The following DTNBP1 variants were observed in gnomAD, a reference collection of about 807,000 sequenced individuals.
DTNBP1 encodes dystrobrevin binding protein 1.
A neutral mutation model predicts 42.8 loss-of-function variants in DTNBP1; 35 were observed. The ratio of observed to expected loss-of-function variants is 0.82; its 90% CI spans 0.63 to 1.09. The LOEUF is 1.09. DTNBP1 is among the 50% of genes least tolerant of loss of function. The probability of loss-of-function intolerance (pLI) is 0.00; values close to 1 mark genes in which losing one functional copy is unlikely to be tolerated. For missense variants in DTNBP1, 457 were observed against 424.2 expected (o/e 1.08, Z -0.68); for synonymous variants, 171 against 162.2 (o/e 1.05, Z -0.41).
At chr6:15,585,773 C>G (rs537942836) in intron 7 of DTNBP1, 2 of 1,533,736 alleles carry the variant, frequency 1.3e-6, no homozygotes, top group Admixed American at 2.0e-5. Flanking sequence ...GATGTGAGAC[C>G]TGAAGGAGTG....
At chr6:15,545,713 A>C (rs1414768861) in intron 7 of DTNBP1, among the ~76,000 whole-genome samples, 2 of 152,230 alleles carry the variant, frequency 1.3e-5, no homozygotes, top group Non-Finnish European at 2.9e-5. Context: ...CTGTTTCCTA[A>C]AACCATGCTG....
intron 6 of DTNBP1, among the ~76,000 whole-genome samples, chr6:15,604,222 G>C (rs1776841915): frequency 6.6e-6 from 1 of 152,164 alleles, no homozygotes; most frequent in African/African-American, 2.4e-5. Context: ...TTGTTTCGGG[G>C]GAGAGAATAA....
intron 7 of DTNBP1, among the ~76,000 whole-genome samples, chr6:15,558,092 G>T (rs1774628395): frequency 6.6e-6 from 1 of 151,374 alleles, no homozygotes; most frequent in South Asian, 2.1e-4. Context: ...ATATGACTTA[G>T]TGTACGTTAT....
At position 15,522,864 on chromosome 6, in the gene DTNBP1, C is replaced by T; in HGVS notation, c.*111G>A. ...CTTTAAGTTTCTCACACATTATTGG[C>T]AATTATGTAAAAATCAAGAACCTCT... On this transcript the variant is annotated 3_prime_UTR_variant, in exon 10 of 10. Transcript: ENST00000344537. 1 of 1,572,222 alleles carries T rather than the reference C, an allele frequency of 6.4e-7. No individual in the cohort carries two copies. Among genetic ancestry groups the T allele is most frequent in the Non-Finnish European group, 8.7e-7 (1 of 1,147,498 alleles).
chr6:15,659,551 CTTTCTTT>C (rs1761477398), intron 1 of DTNBP1, among the ~76,000 whole-genome samples: 1 of 104,688 alleles, frequency 9.6e-6, no homozygotes. Flanking sequence ...GATGGGGTTT[CTTTCTTT>C]TTTTTTTTTT....
intron 6 of DTNBP1, among the ~76,000 whole-genome samples, chr6:15,597,648 C>T (rs1164186711): frequency 6.6e-6 from 1 of 152,126 alleles, no homozygotes; most frequent in African/African-American, 2.4e-5. Flanking sequence ...CATGTGCTGC[C>T]TTGTAATGTG....
chr6:15,534,704 T>C (rs939724106), intron 7 of DTNBP1, among the ~76,000 whole-genome samples: 28 of 150,752 alleles, frequency 1.9e-4, no homozygotes, highest in Non-Finnish European at 3.5e-4. Flanking sequence ...AAAGTAAGTA[T>C]GTAGCCATCA....
At chr6:15,530,023 T>C (rs1458008300) in intron 8 of DTNBP1, among the ~76,000 whole-genome samples, 1 of 152,278 alleles carries the variant, frequency 6.6e-6, no homozygotes, top group Non-Finnish European at 1.5e-5. Flanking sequence ...CCTTCACCCC[T>C]TCCTCTGATG....
chr6:15,548,850 T>C (rs1166195500), intron 7 of DTNBP1, among the ~76,000 whole-genome samples: 1 of 152,204 alleles, frequency 6.6e-6, no homozygotes, highest in South Asian at 2.1e-4. Context: ...GAACATAATA[T>C]TAAAATCTAT....
intron 7 of DTNBP1, among the ~76,000 whole-genome samples, chr6:15,590,986 G>A (rs1581367954): frequency 6.6e-6 from 1 of 151,858 alleles, no homozygotes; most frequent in African/African-American, 2.4e-5. Flanking sequence ...ACCTGAAAAG[G>A]AAAAAGGCAA....
chr6:15,659,992 G>A (rs998398395), intron 1 of DTNBP1, among the ~76,000 whole-genome samples: 2 of 152,104 alleles, frequency 1.3e-5, no homozygotes, highest in African/African-American at 2.4e-5. Context: ...TTTAACAGTC[G>A]TCTGTTTTAA....
At chr6:15,646,390 A>T (rs1409063003) in intron 3 of DTNBP1, among the ~76,000 whole-genome samples, 1 of 152,014 alleles carries the variant, frequency 6.6e-6, no homozygotes. Flanking sequence ...ATGGAAAAAC[A>T]TTCCATGCTC....
chr6:15,542,216 T>G (rs1219999099), intron 7 of DTNBP1, among the ~76,000 whole-genome samples: 1 of 152,222 alleles, frequency 6.6e-6, no homozygotes, highest in East Asian at 1.9e-4. Context: ...TCTGTAAGTC[T>G]CTAAACAATT....
chr6:15,656,007 A>T (rs1194107429), intron 1 of DTNBP1, among the ~76,000 whole-genome samples: 1 of 152,238 alleles, frequency 6.6e-6, no homozygotes, highest in Non-Finnish European at 1.5e-5. Context: ...CCTCAAATGT[A>T]AAATGGTAGT....
At chr6:15,524,766 T>C (rs1772248751) in intron 8 of DTNBP1, 97 bp from the exon 9 acceptor site, 1 of 1,541,916 alleles carries the variant, frequency 6.5e-7, no homozygotes, top group East Asian at 2.4e-5. Flanking sequence ...TTGCATTTCC[T>C]AAGCTTCCTT....
intron 7 of DTNBP1, among the ~76,000 whole-genome samples, chr6:15,579,167 G>A (rs547985295): frequency 3.1e-4 from 47 of 152,230 alleles, no homozygotes; most frequent in African/African-American, 1.1e-3. Flanking sequence ...ACAGATGAAT[G>A]GATAAAGAAA....
chr6:15,643,644 T>TA (rs911832968), intron 3 of DTNBP1, among the ~76,000 whole-genome samples: 87 of 149,566 alleles, frequency 5.8e-4, no homozygotes, highest in African/African-American at 6.8e-4. Context: ...TTAGCCTCCT[T>TA]AAAAAAAAAA....
chr6:15,529,287 C>T (rs1772645624), intron 8 of DTNBP1, among the ~76,000 whole-genome samples: 1 of 152,038 alleles, frequency 6.6e-6, no homozygotes, highest in African/African-American at 2.4e-5. Flanking sequence ...CATCCTAAAA[C>T]AAACAAAAGT....
intron 8 of DTNBP1, among the ~76,000 whole-genome samples, chr6:15,527,190 A>ATT (rs1772466419): frequency 1.3e-5 from 2 of 152,250 alleles, no homozygotes; most frequent in African/African-American, 4.8e-5. Context: ...CACCAGGAAG[A>ATT]TAATCTAAAA....
Sources: gnomAD v4.1 joint callset for allele counts (sites outside exome capture counted in the v4.1 genomes callset) on GRCh38, gnomAD v4.1.1 for gene constraint, MANE v1.5 for transcripts, NCBI Gene and HGNC (gene_info 2026-07-23, HGNC 2026-07-21) for gene names.